Variants in MIPOL1 observed in about 807,000 individuals in gnomAD.
MIPOL1 encodes the protein mirror-image polydactyly 1, also known as mirror-image polydactyly gene 1 protein.
In MIPOL1, 57 loss-of-function variants were observed where a neutral mutation model predicts 60.9. The observed-to-expected ratio is 0.94, with a 90% CI of 0.76 to 1.17. The LOEUF is 1.17. Ranked by LOEUF, MIPOL1 falls within the 50% of genes most tolerant of loss-of-function variation. The pLI, the probability that MIPOL1 is intolerant of heterozygous loss-of-function variation, is 0.00. For synonymous variants in MIPOL1, 179 were observed against 168.8 expected (o/e 1.06, Z -0.47); for missense variants, 551 against 511.6 (o/e 1.08, Z -0.74).
At chr14:37,413,268 T>A (rs1280073055) in intron 10 of MIPOL1, among the ~76,000 whole-genome samples, 1 of 152,130 alleles carries the variant, frequency 6.6e-6, no homozygotes, top group Non-Finnish European at 1.5e-5. Context: ...CATTTAAATA[T>A]AAATGTTAAT....
At chr14:37,259,315 G>A (rs969630988) in intron 3 of MIPOL1, among the ~76,000 whole-genome samples, 2 of 151,998 alleles carry the variant, frequency 1.3e-5, no homozygotes, top group African/African-American at 4.8e-5. Context: ...CAGCACTTTG[G>A]GAGGCTGAGA....
chr14:37,314,117 T>C (rs1284001950), intron 9 of MIPOL1, among the ~76,000 whole-genome samples: 1 of 152,176 alleles, frequency 6.6e-6, no homozygotes, highest in Non-Finnish European at 1.5e-5. Flanking sequence ...CGTTTCTTGG[T>C]TTTATTGTTG....
chr14:37,466,615 A>G (rs2094601615), intron 11 of MIPOL1, among the ~76,000 whole-genome samples: 1 of 152,242 alleles, frequency 6.6e-6, no homozygotes, highest in African/African-American at 2.4e-5. Flanking sequence ...AACTTCAGGT[A>G]TTACATGTAG....
chr14:37,432,868 C>T (rs1368118495), intron 11 of MIPOL1, among the ~76,000 whole-genome samples: 3 of 151,982 alleles, frequency 2.0e-5, no homozygotes, highest in Non-Finnish European at 4.4e-5. Context: ...CAATGTGGGA[C>T]GCTTAGGATT....
At chr14:37,295,980 C>T (rs2085629234) in intron 7 of MIPOL1, among the ~76,000 whole-genome samples, 2 of 152,154 alleles carry the variant, frequency 1.3e-5, no homozygotes, top group South Asian at 4.1e-4. Context: ...GAACTCTCCA[C>T]CCCAAATCAA....
At position 37,278,632 on chromosome 14, in the gene MIPOL1, A is replaced by G. The variant is rs561093511; in HGVS notation, c.494-6686A>G. On this transcript the variant is annotated intron_variant, in intron 6 of 12. Transcript: ENST00000684589. ...TTTTAATTTAGCCTTTTATATTTAC[A>G]TAACTACCATAAGATGTTAACAGAT... is the stretch of plus-strand genomic sequence containing the variant. 7.9e-5 allele frequency: 12 copies of G among 151,960 alleles called. No homozygotes were observed. The South Asian group carries it at 1.7e-3, about 21-fold the overall frequency. The allele number at this position is 151,960 out of a possible 1,614,324, so 9.4% of individuals were successfully genotyped here.
At chr14:37,402,778 A>G (rs1467988045) in intron 10 of MIPOL1, among the ~76,000 whole-genome samples, 1 of 152,210 alleles carries the variant, frequency 6.6e-6, no homozygotes, top group Non-Finnish European at 1.5e-5. Context: ...GAAGGAAGAC[A>G]TAGATTTCCT....
At chr14:37,214,921 A>G (rs1030611552) in intron 1 of MIPOL1, among the ~76,000 whole-genome samples, 1 of 152,020 alleles carries the variant, frequency 6.6e-6, no homozygotes, top group African/African-American at 2.4e-5. Context: ...CTACTCCACC[A>G]TCTCTTGTGG....
intron 11 of MIPOL1, among the ~76,000 whole-genome samples, chr14:37,473,503 T>C (rs1458404422): frequency 6.6e-6 from 1 of 152,134 alleles, no homozygotes; most frequent in African/African-American, 2.4e-5. Context: ...CTGAATTTGG[T>C]TAGCCAAATT....
chr14:37,494,669 G>T (rs1489232720), intron 11 of MIPOL1, among the ~76,000 whole-genome samples: 1 of 152,092 alleles, frequency 6.6e-6, no homozygotes, highest in Non-Finnish European at 1.5e-5. Context: ...ACTTATCTCT[G>T]TTTCCATTTG....
At chr14:37,505,032 A>C (rs957098477) in intron 12 of MIPOL1, 2 of 152,122 alleles carry the variant, frequency 1.3e-5, no homozygotes, top group Non-Finnish European at 2.9e-5. Context: ...GGACACATAC[A>C]CCCTCCCAAG....
chr14:37,402,786 C>T (rs1424212396), intron 10 of MIPOL1, among the ~76,000 whole-genome samples: 1 of 152,162 alleles, frequency 6.6e-6, no homozygotes, highest in Admixed American at 6.5e-5. Context: ...ACATAGATTT[C>T]CTGGCTTATT....
At chr14:37,401,626 GA>G (rs1353315018) in intron 10 of MIPOL1, 1 of 152,028 alleles carries the variant, frequency 6.6e-6, no homozygotes, top group Non-Finnish European at 1.5e-5. Flanking sequence ...ATTTATAGAG[GA>G]GGGCAAAACA....
At chr14:37,232,863 CT>C (rs539302876) in intron 1 of MIPOL1, among the ~76,000 whole-genome samples, 20 of 152,320 alleles carry the variant, frequency 1.3e-4, no homozygotes, top group African/African-American at 4.8e-4. Context: ...CTATATCATG[CT>C]GCCAAGGCAG....
chr14:37,307,142 G>T (rs1340805464), intron 7 of MIPOL1, among the ~76,000 whole-genome samples: 2 of 151,636 alleles, frequency 1.3e-5, no homozygotes, highest in African/African-American at 4.8e-5. Flanking sequence ...CCTATTTTAT[G>T]GTAAATGTCA....
chr14:37,377,176 C>A (rs1464374072), intron 10 of MIPOL1, among the ~76,000 whole-genome samples: 1 of 152,148 alleles, frequency 6.6e-6, no homozygotes, highest in Non-Finnish European at 1.5e-5. Flanking sequence ...TATTTCCAGT[C>A]ATACTCTCCT....
At chr14:37,242,587 G>A (rs1300828727) in intron 1 of MIPOL1, among the ~76,000 whole-genome samples, 1 of 152,048 alleles carries the variant, frequency 6.6e-6, no homozygotes, top group Non-Finnish European at 1.5e-5. Flanking sequence ...ATTTATACCA[G>A]TTCTCTATTG....
chr14:37,398,013 TA>T (rs1258841118), intron 10 of MIPOL1, among the ~76,000 whole-genome samples: 4 of 152,280 alleles, frequency 2.6e-5, no homozygotes, highest in African/African-American at 9.6e-5. Flanking sequence ...TTTAAATTGA[TA>T]CAAAGTTCAG....
intron 11 of MIPOL1, among the ~76,000 whole-genome samples, chr14:37,466,210 T>C (rs889645370): frequency 6.6e-6 from 1 of 152,182 alleles, no homozygotes; most frequent in Non-Finnish European, 1.5e-5. Context: ...TTGGGTTGTT[T>C]TATTCTTTTT....
Sources: gnomAD v4.1 joint callset for allele counts (sites outside exome capture counted in the v4.1 genomes callset) on GRCh38, gnomAD v4.1.1 for gene constraint, MANE v1.5 for transcripts, NCBI Gene and HGNC (gene_info 2026-07-23, HGNC 2026-07-21) for gene names.